ZNF584: variants seen among roughly 807,000 people sequenced by gnomAD.
ZNF584 encodes the protein zinc finger protein 584.
A neutral mutation model predicts 14.7 loss-of-function variants in ZNF584; 12 were observed. That is an observed-to-expected ratio of 0.82 (90% CI 0.52 to 1.32). The LOEUF (loss-of-function observed/expected upper bound fraction) is 1.32, where lower values mean the gene tolerates loss of function less well. Ranked by LOEUF, ZNF584 falls within the 40% of genes most tolerant of loss-of-function variation. ZNF584 has a pLI of 0.00. For synonymous variants in ZNF584, 204 were observed against 190.9 expected (o/e 1.07, Z -0.57); for missense variants, 478 against 518.8 (o/e 0.92, Z 0.76).
chr19:58,406,703 C>T (rs1372734753), upstream of ZNF584: 1 of 152,286 alleles, frequency 6.6e-6, no homozygotes, highest in Non-Finnish European at 1.5e-5. Flanking sequence ...TCAAGTCTAC[C>T]TGGTCCATCA....
At position 58,417,944 on chromosome 19, in the gene ZNF584, T is replaced by C. The variant is rs1447985773; in HGVS notation, c.*160T>C. 5 of 835,290 alleles carry C rather than the reference T, an allele frequency of 6.0e-6. No individual in the cohort carries two copies. Among genetic ancestry groups the C allele is most frequent in the African/African-American group, 5.1e-5 (3 of 58,314 alleles). The allele number at this position is 835,290 out of a possible 1,614,324, so 51.7% of individuals were successfully genotyped here. On this transcript the variant is annotated 3_prime_UTR_variant, in exon 4 of 4. Coordinates refer to ENST00000306910, the MANE Select transcript of ZNF584 (RefSeq NM_173548.3). ...GTGTGGGACGCTTTCGGGAGCCACA[T>C]TGCACTCTGACTTGCCTGGGGCTGT...
chr19:58,415,757 C>T (rs1254523948), intron 3 of ZNF584, 111 bp downstream of exon 3: 4 of 1,612,412 alleles, frequency 2.5e-6, no homozygotes, highest in Non-Finnish European at 3.4e-6. Context: ...ACCTTATTTC[C>T]TTCCACCTTT....
intron 2 of ZNF584, 88 bp downstream of exon 2, chr19:58,410,179 G>C: frequency 6.8e-7 from 1 of 1,466,786 alleles, no homozygotes. Context: ...CCAGACCATG[G>C]GGGCTCTTTC....
upstream of ZNF584, chr19:58,405,354 G>GC (rs1247853774): frequency 3.3e-5 from 3 of 92,002 alleles, no homozygotes; most frequent in African/African-American, 1.5e-4. Context: ...GGGCAGAGGC[G>GC]CCCCTCATCT....
rs1316911331 is a variant in ZNF584, at chr19:58,417,091, A to C, written c.573A>C (p.Thr191=). The C allele has an allele frequency of 1.9e-6, 3 of 1,613,866 alleles. No individual in the cohort carries two copies. Among genetic ancestry groups the C allele is most frequent in the Non-Finnish European group, 2.5e-6 (3 of 1,179,882 alleles). Residue 191 remains threonine (T), a synonymous_variant, in exon 4 of 4, where the codon ACA becomes ACC. Coordinates refer to ENST00000306910, the MANE Select transcript of ZNF584 (RefSeq NM_173548.3). The part of the protein sequence containing the change: ...HSEERPFRCP[T]GRSAFKKSAH... ...AAGAGAGACCCTTCAGATGCCCAAC[A>C]GGCAGAAGTGCTTTCAAGAAGTCAG...
chr19:58,407,878 C>T (rs2052487716), upstream of ZNF584, among the ~76,000 whole-genome samples: 1 of 152,192 alleles, frequency 6.6e-6, no homozygotes, highest in Non-Finnish European at 1.5e-5. Context: ...CATGTACTCA[C>T]TCTCCTCTCC....
chr19:58,407,727 CG>C (rs1418410025), upstream of ZNF584, among the ~76,000 whole-genome samples: 2 of 152,204 alleles, frequency 1.3e-5, no homozygotes, highest in Non-Finnish European at 2.9e-5. Context: ...CTAAGAACTC[CG>C]TTCGTCCGGG....
Position 58,410,542 on chromosome 19 carries a change from T to TTTTTTTTTTTTTTTTTTTTTTTTTGAGAC in ZNF584, c.169+451_169+452insTTTTTTTTTTTTTTTTTTTTTTTTGAGAC, listed in dbSNP as rs1568584343. On this transcript the variant is annotated intron_variant, in intron 2 of 3. Coordinates refer to ENST00000306910, the MANE Select transcript of ZNF584 (RefSeq NM_173548.3). ...AAATATATATATATATATATATATATATATATATATATATATGTGTATATA... is the reference window on the plus strand; with the variant it reads ...AAATATATATATATATATATATATATTTTTTTTTTTTTTTTTTTTTTTTTGAGACATATATATATATATATGTGTATATA... Among the ~76,000 whole-genome samples, 10 of 15,376 alleles carry TTTTTTTTTTTTTTTTTTTTTTTTTGAGAC rather than the reference T, an allele frequency of 6.5e-4. 3 individuals are homozygous for TTTTTTTTTTTTTTTTTTTTTTTTTGAGAC. Among genetic ancestry groups the TTTTTTTTTTTTTTTTTTTTTTTTTGAGAC allele is most frequent in the Non-Finnish European group, 1.4e-3 (10 of 7,228 alleles). The allele number at this position is 15,376 out of a possible 152,430, so 10.1% of individuals were successfully genotyped here.
chr19:58,403,208 T>C (rs527506111), intron 1 of ZNF584, among the ~76,000 whole-genome samples: 6 of 152,346 alleles, frequency 3.9e-5, no homozygotes, highest in African/African-American at 1.2e-4. Context: ...CTTATGTCCA[T>C]GCGAAAACCA....
Position 58,416,977 on chromosome 19 carries a change from TG to T in ZNF584, c.460del (p.Val154TrpfsTer16). The T allele has an allele frequency of 6.2e-7, 1 of 1,612,204 alleles. No individual in the cohort carries two copies. The highest frequency in any genetic ancestry group is 8.5e-7 in the Non-Finnish European group (1 of 1,178,990). On this transcript the variant is annotated frameshift_variant, in exon 4 of 4. Coordinates refer to ENST00000306910, the MANE Select transcript of ZNF584 (RefSeq NM_173548.3). LOFTEE classifies it low-confidence loss of function (END_TRUNC). The stretch of plus-strand genomic sequence containing the variant: ...GTTGTGGGCAACAGCAAGAAGTCCA[TG>T]TGGCAGAGAAGCTGTTCAAATGCAG... Reference protein sequence around the residue: ...SSCGQQQEVHVAEKLFKCSDC... With the variant: ...SSCGQQQEVHXAEKLFKCSDC...
chr19:58,408,483 C>G (rs547682898), upstream of ZNF584: 2 of 152,702 alleles, frequency 1.3e-5, no homozygotes, highest in East Asian at 3.8e-4. Context: ...CGCCCCAAAG[C>G]CAGCGCCGAA....
rs2052505358 is a variant in ZNF584 at position 58,409,040 on chromosome 19, G to A, written c.-108G>A. 1 of 1,370,496 alleles carries A rather than the reference G, an allele frequency of 7.3e-7. No individual in the cohort carries two copies. Among genetic ancestry groups the A allele is most frequent in the Admixed American group, 2.9e-5 (1 of 35,068 alleles). The allele number at this position is 1,370,496 out of a possible 1,614,324, so 84.9% of individuals were successfully genotyped here. ...GTCTTCGGACGCATTTCACCCGCGC[G>A]GGGAGAGCTTCCCGGGAAGGTTCCA... is the stretch of plus-strand genomic sequence containing the variant. On this transcript the variant is annotated 5_prime_UTR_variant, in exon 1 of 4. Coordinates refer to ENST00000306910, the MANE Select transcript of ZNF584 (RefSeq NM_173548.3).
upstream of ZNF584, chr19:58,408,624 G>A (rs911979233): frequency 6.5e-6 from 1 of 153,312 alleles, no homozygotes; most frequent in Non-Finnish European, 1.5e-5. Flanking sequence ...TCCCGCTTCA[G>A]GAGCTAGCGG....
rs1222935932 is a variant in ZNF584 at position 58,409,999 on chromosome 19, T to A, written c.77T>A (p.Phe26Tyr). The A allele has an allele frequency of 6.2e-7, 1 of 1,613,844 alleles. No homozygotes were observed. The highest frequency in any genetic ancestry group is 8.5e-7 in the Non-Finnish European group (1 of 1,179,980). Reference sequence around the variant, plus strand: ...ATGTTTGAGGATGTGACGGTATATTTCTCCAGGGAGGAGTGGGGGCTCCTT... The same window carrying A: ...ATGTTTGAGGATGTGACGGTATATTACTCCAGGGAGGAGTGGGGGCTCCTT... ...LVMFEDVTVY[F>Y]SREEWGLLNV... Residue 26 changes from phenylalanine to tyrosine, a missense_variant, in exon 2 of 4, where the codon TTC becomes TAC. Physicochemically the swap from Phe to Tyr is conservative, Grantham distance 22. This residue lies in a region of ZNF584 where 189 missense variants were observed against 177.9 expected (regional missense o/e 1.06). Transcript: ENST00000306910.
intron 1 of ZNF584, among the ~76,000 whole-genome samples, chr19:58,402,258 G>A (rs926111452): frequency 1.6e-5 from 2 of 123,956 alleles, no homozygotes; most frequent in East Asian, 2.1e-4. Flanking sequence ...AAAGCTGGGA[G>A]TCTCGCCCTA....
chr19:58,417,203 C>A lies in ZNF584; in HGVS notation c.685C>A (p.Leu229Met). ...GAAGGCCTTCAGTTACCCGTCTAAG[C>A]TGAGGAAACACCAGAAGGTTCACAC... The part of the protein sequence containing the change: ...CGKAFSYPSK[L>M]RKHQKVHTGI... The change falls in exon 4 of 4, where the codon CTG becomes ATG. Residue 229 changes from leucine (L) to methionine (M), a missense_variant. Physicochemically the swap from Leu to Met is conservative, Grantham distance 15. Coordinates refer to ENST00000306910, the MANE Select transcript of ZNF584 (RefSeq NM_173548.3). 1 of 1,614,028 alleles carries A rather than the reference C, an allele frequency of 6.2e-7. No individual in the cohort carries two copies. The highest frequency in any genetic ancestry group is 8.5e-7 in the Non-Finnish European group (1 of 1,179,978).
intron 2 of ZNF584, among the ~76,000 whole-genome samples, chr19:58,410,559 G>GTGTATATATATATGTATATATA (rs2052541280): frequency 5.3e-5 from 1 of 18,996 alleles, no homozygotes; most frequent in Non-Finnish European, 9.0e-5. Context: ...ATATATATAT[G>GTGTATATATATATGTATATATA]TGTATATATA....
intron 3 of ZNF584, chr19:58,415,983 A>G: frequency 3.2e-6 from 5 of 1,586,186 alleles, no homozygotes; most frequent in Non-Finnish European, 2.6e-6. Flanking sequence ...CTTAAACACC[A>G]GCTACTATTT....
chr19:58,409,159 G>A lies in ZNF584; in HGVS notation c.12G>A (p.Glu4=). The A allele has an allele frequency of 6.9e-7, 1 of 1,446,534 alleles. No homozygotes were observed. The highest frequency in any genetic ancestry group is 2.7e-5 in the Admixed American group (1 of 36,994). 89.6% of individuals were successfully genotyped at this position (1,446,534 alleles called of 1,614,324 possible). A position where few individuals can be genotyped will look rare whatever the true frequency, so the allele number is the denominator to read the frequency against. Residue 4 remains glutamate (E), a synonymous_variant, in exon 1 of 4, where the codon GAG becomes GAA. Transcript: ENST00000306910. MAG[E]AEAQLDPSLQ... is the part of the protein sequence containing the mutation. ...GCCCGCACGGTCCAATGGCCGGGGAGGCGGAGGTGAGCAGAGGATGCCTCC... is the reference window on the plus strand; with the variant it reads ...GCCCGCACGGTCCAATGGCCGGGGAAGCGGAGGTGAGCAGAGGATGCCTCC...
Sources: allele counts gnomAD v4.1 joint callset (sites outside exome capture counted in the v4.1 genomes callset), GRCh38; gene constraint gnomAD v4.1.1; regional missense constraint gnomAD v4.1.1; transcripts MANE v1.5; gene names NCBI Gene and HGNC (gene_info 2026-07-23, HGNC 2026-07-21).